The following NIN variants were observed in gnomAD, a reference collection of about 807,000 sequenced individuals.
NIN encodes the protein glycogen synthase kinase 3 beta-interacting protein.
In NIN, 137 loss-of-function variants were observed where a neutral mutation model predicts 257.6. That is an observed-to-expected ratio of 0.53 (90% CI 0.46 to 0.61). NIN has a LOEUF of 0.61. NIN is among the 20% of genes least tolerant of loss of function. NIN has a pLI of 0.00. For missense variants in NIN, 2,439 were observed against 2,501.2 expected (o/e 0.98, Z 0.53); for synonymous variants, 918 against 919.8 (o/e 1.00, Z 0.04).
rs79749526 is a variant in NIN at position 50,751,372 on chromosome 14, C to G, written c.4950+1146G>C. On this transcript the variant is annotated intron_variant, in intron 21 of 30. Coordinates refer to ENST00000530997, the MANE Select transcript of NIN (RefSeq NM_020921.4). The stretch of plus-strand genomic sequence containing the variant: ...AAATTCACCTACAAAAAGGCGGTAC[C>G]AGTTTGTATTCTCCCAGCAAAGCAT... Among the ~76,000 whole-genome samples the G allele has an allele frequency of 7.8e-3, 1,189 of 152,214 alleles. 17 individuals are homozygous for G. Among genetic ancestry groups the G allele is most frequent in the African/African-American group, 0.027 (1,105 of 41,514 alleles).
intron 3 of NIN, among the ~76,000 whole-genome samples, chr14:50,815,690 C>T (rs1030064534): frequency 6.6e-6 from 1 of 152,146 alleles, no homozygotes; most frequent in Non-Finnish European, 1.5e-5. Context: ...TACATATATA[C>T]CATGGAATAC....
intron 5 of NIN, among the ~76,000 whole-genome samples, chr14:50,790,627 G>T (rs1215752682): frequency 6.6e-6 from 1 of 152,194 alleles, no homozygotes; most frequent in Non-Finnish European, 1.5e-5. Flanking sequence ...GCCTCTATTT[G>T]CAGTTCTGCT....
At chr14:50,776,073 T>C (rs896398565) in intron 7 of NIN, among the ~76,000 whole-genome samples, 2 of 152,002 alleles carry the variant, frequency 1.3e-5, no homozygotes, top group African/African-American at 4.8e-5. Context: ...ATACCACTTA[T>C]CCCCCGAGCA....
intron 5 of NIN, among the ~76,000 whole-genome samples, chr14:50,785,459 G>A (rs1161541800): frequency 6.6e-6 from 1 of 152,242 alleles, no homozygotes; most frequent in Non-Finnish European, 1.5e-5. Context: ...CTCAGAGCCT[G>A]GAGTAGAGTT....
At chr14:50,779,134 T>C (rs1036148036) in intron 5 of NIN, among the ~76,000 whole-genome samples, 1 of 152,212 alleles carries the variant, frequency 6.6e-6, no homozygotes, top group Non-Finnish European at 1.5e-5. Flanking sequence ...AACCAACAAG[T>C]ATCTGTACAC....
chr14:50,730,825 GTACTTATTAACTGT>G, intron 28 of NIN: 1 of 925,444 alleles, frequency 1.1e-6, no homozygotes, highest in Middle Eastern at 2.6e-4. Context: ...CTTTCCTTAA[GTACTTATTAACTGT>G]TACAATCAAC....
intron 4 of NIN, 100 bp from the exon 5 acceptor site, chr14:50,792,981 A>C: frequency 8.3e-7 from 1 of 1,211,838 alleles, no homozygotes; most frequent in Non-Finnish European, 1.2e-6. Context: ...CCAACCTCAA[A>C]ATAAACCACC....
At chr14:50,747,902 G>C (rs2041622239) in intron 22 of NIN, 90 bp downstream of exon 22, 2 of 871,208 alleles carry the variant, frequency 2.3e-6, no homozygotes, top group Admixed American at 2.0e-5. Context: ...TTGGTACAAA[G>C]GACAACTGGT....
At position 50,719,910 on chromosome 14, in the gene NIN, A is replaced by C. The variant is rs1202366789; in HGVS notation, c.*3553T>G. 2.4e-5 allele frequency: 5 copies of C among 209,870 alleles called. No individual in the cohort carries two copies. The highest frequency in any genetic ancestry group is 1.2e-4 in the Admixed American group (2 of 17,000). 13.0% of individuals were successfully genotyped at this position (209,870 alleles called of 1,614,324 possible). A position where few individuals can be genotyped will look rare whatever the true frequency, so the allele number is the denominator to read the frequency against. ...GATGAAATATACAAAGCTGATATAA[A>C]CACAGAACTCATTAATCTTTATCTG... On this transcript the variant is annotated 3_prime_UTR_variant, in exon 31 of 31. Coordinates refer to ENST00000530997, the MANE Select transcript of NIN (RefSeq NM_020921.4).
chr14:50,763,751 T>C (rs1345083695), intron 15 of NIN, 75 bp downstream of exon 15: 6 of 1,308,970 alleles, frequency 4.6e-6, no homozygotes, highest in Non-Finnish European at 6.3e-6. Flanking sequence ...GCCAAAGCTT[T>C]GCAATTTTAT....
At chr14:50,784,344 A>G (rs932423780) in intron 5 of NIN, among the ~76,000 whole-genome samples, 2 of 152,152 alleles carry the variant, frequency 1.3e-5, no homozygotes, top group South Asian at 2.1e-4. Context: ...CTCGAGTTCA[A>G]TTTCCGCTCT....
At chr14:50,749,969 A>G (rs1006750201) in intron 21 of NIN, among the ~76,000 whole-genome samples, 4 of 152,194 alleles carry the variant, frequency 2.6e-5, no homozygotes, top group African/African-American at 9.7e-5. Context: ...CTGGGACTAC[A>G]GGCATGAGCC....
intron 14 of NIN, 72 bp from the exon 15 acceptor site, chr14:50,764,036 A>G: frequency 7.5e-7 from 1 of 1,324,862 alleles, no homozygotes; most frequent in South Asian, 1.2e-5. Flanking sequence ...AACAAAAAAG[A>G]TAAATTGGAT....
rs749024041 is a variant in NIN, at chr14:50,748,036, G to T, written c.5020C>A (p.Gln1674Lys). 1 of 1,614,010 alleles carries T rather than the reference G, an allele frequency of 6.2e-7. No individual in the cohort carries two copies. The highest frequency in any genetic ancestry group is 1.6e-4 in the Middle Eastern group (1 of 6,062). The change falls in exon 22 of 31, where the codon CAG (glutamine) becomes AAG (lysine). Residue 1674 changes from glutamine (Q) to lysine (K), a missense_variant. By Grantham distance (53) the Gln-to-Lys change is moderately conservative. Coordinates refer to ENST00000530997, the MANE Select transcript of NIN (RefSeq NM_020921.4). ...TCATCTTTGAGAAGGTGGTTTTCCT[G>T]TTGCACAATATGGGTCTGTATTTTA... ...EVKIQTHIVQ[Q>K]ENHLLKDELE...
At chr14:50,748,277 A>C (rs2041640858) in intron 21 of NIN, among the ~76,000 whole-genome samples, 172 bp from the exon 22 acceptor site, 1 of 152,206 alleles carries the variant, frequency 6.6e-6, no homozygotes, top group Non-Finnish European at 1.5e-5. Context: ...GGAAAATTCA[A>C]CATCATGCTA....
At position 50,755,648 on chromosome 14, in the gene NIN, C is replaced by CTTTTTTTTTT. The variant is rs71118900; in HGVS notation, c.4539-791_4539-782dup. ...TAAATTTCCACTGTTTGTTTTGTCT[C>CTTTTTTTTTT]TTTTTTTTTTTTTTTTTTTTTTTTT... On this transcript the variant is annotated intron_variant, in intron 18 of 30. Transcript: ENST00000530997. 5.0e-5 allele frequency among the ~76,000 whole-genome samples: 4 copies of CTTTTTTTTTT among 80,016 alleles called. No homozygotes were observed. The South Asian group carries it at 1.7e-3, about 34-fold the overall frequency. The allele number at this position is 80,016 out of a possible 152,430, so 52.5% of individuals were successfully genotyped here.
chr14:50,757,766 A>G lies in NIN; in HGVS notation c.3264T>C (p.Ile1088=). ...TTTGTAGCCTCTGTTGCAATCTAGA[A>G]ATTTCAGTAGCCATTTTCACATTTT... is the stretch of plus-strand genomic sequence containing the variant. The part of the protein sequence containing the change: ...VKENVKMATE[I]SRLQQRLQKL... The change falls in exon 18 of 31, where the codon ATT becomes ATC. Residue 1088 remains isoleucine, a synonymous_variant. Transcript: ENST00000530997. 1 of 1,614,138 alleles carries G rather than the reference A, an allele frequency of 6.2e-7. No homozygotes were observed. The highest frequency in any genetic ancestry group is 8.5e-7 in the Non-Finnish European group (1 of 1,180,032).
chr14:50,764,533 T>G (rs1014631999), intron 14 of NIN, among the ~76,000 whole-genome samples: 3 of 152,158 alleles, frequency 2.0e-5, no homozygotes, highest in Non-Finnish European at 2.9e-5. Flanking sequence ...TGCGCACAAA[T>G]TTTCATAGCT....
Position 50,756,690 on chromosome 14 carries a change from T to G in NIN, c.4340A>C (p.His1447Pro). 6.4e-7 allele frequency: 1 copy of G among 1,551,792 alleles called. No homozygotes were observed. The highest frequency in any genetic ancestry group is 8.7e-7 in the Non-Finnish European group (1 of 1,147,016). Residue 1447 changes from histidine to proline, a missense_variant, in exon 18 of 31, where the codon CAT becomes CCT. His to Pro is a moderately conservative substitution (Grantham distance 77, BLOSUM62 -2). Around this residue, in one of 3 missense-constraint regions of NIN, gnomAD observed 2,043 missense variants for 2,050.2 expected, o/e 1.00. Transcript: ENST00000530997. ...TTCTAACTCTGCTATGGTGGCCTGA[T>G]GCTGAAAATGTTTGTCTTGAAAGCC... is the stretch of plus-strand genomic sequence containing the variant. ...LLGFQDKHFQ[H>P]QATIAELELE...
Sources: allele counts gnomAD v4.1 joint callset (sites outside exome capture counted in the v4.1 genomes callset), GRCh38; gene constraint gnomAD v4.1.1; regional missense constraint gnomAD v4.1.1; transcripts MANE v1.5; gene names NCBI Gene and HGNC (gene_info 2026-07-23, HGNC 2026-07-21).